ZNF626: variants seen among roughly 807,000 people sequenced by gnomAD.
ZNF626 encodes the protein zinc finger protein 626.
A neutral mutation model predicts 11.7 loss-of-function variants in ZNF626; 4 were observed. The observed-to-expected ratio is 0.34, with a 90% CI of 0.17 to 0.78. The LOEUF is 0.78. Among genes scored for constraint, ZNF626 ranks in the 30% least tolerant of loss-of-function variants. ZNF626 has a pLI of 0.57. For synonymous variants in ZNF626, 179 were observed against 198.6 expected (o/e 0.90, Z 0.83); for missense variants, 588 against 587.1 (o/e 1.00, Z -0.01).
chr19:20,633,499 C>G (rs1555770603), intron 3 of ZNF626, among the ~76,000 whole-genome samples: 2 of 152,248 alleles, frequency 1.3e-5, no homozygotes, highest in East Asian at 3.9e-4. Flanking sequence ...GGTGGGCGCC[C>G]CTCGCCCAGC....
intron 3 of ZNF626, among the ~76,000 whole-genome samples, chr19:20,627,110 T>C (rs1555769857): frequency 6.7e-6 from 1 of 149,138 alleles, no homozygotes; most frequent in East Asian, 1.9e-4. Context: ...ATAAGAAATA[T>C]TGAAATAGCA....
intron 3 of ZNF626, among the ~76,000 whole-genome samples, chr19:20,635,589 G>C (rs1295945948): frequency 6.6e-6 from 1 of 152,004 alleles, no homozygotes; most frequent in Non-Finnish European, 1.5e-5. Context: ...TGAAAGTGAC[G>C]GGATTACAGG....
intron 3 of ZNF626, among the ~76,000 whole-genome samples, chr19:20,629,704 T>C (rs1212157795): frequency 6.6e-6 from 1 of 152,184 alleles, no homozygotes; most frequent in Non-Finnish European, 1.5e-5. Flanking sequence ...TTTCTAGATA[T>C]ACAATCATGT....
At chr19:20,658,985 G>A (rs1970234919) in intron 1 of ZNF626, among the ~76,000 whole-genome samples, 1 of 152,158 alleles carries the variant, frequency 6.6e-6, no homozygotes, top group Non-Finnish European at 1.5e-5. Context: ...CCCAGGAAAA[G>A]CCAAATGGAA....
chr19:20,653,188 T>C (rs1223932022), intron 1 of ZNF626, among the ~76,000 whole-genome samples: 1 of 152,174 alleles, frequency 6.6e-6, no homozygotes, highest in African/African-American at 2.4e-5. Flanking sequence ...TTGGCCCTTA[T>C]GTGTTTATAT....
intron 1 of ZNF626, among the ~76,000 whole-genome samples, chr19:20,651,293 C>T (rs1222363954): frequency 6.6e-6 from 1 of 150,958 alleles, no homozygotes; most frequent in Non-Finnish European, 1.5e-5. Flanking sequence ...AAATAATGTC[C>T]AATATTTTGG....
Position 20,661,205 on chromosome 19 carries a change from A to T in ZNF626, c.3+239T>A, listed in dbSNP as rs535129938. ...CCACGCTGCGGGTGCAGAGCTGCCCAGAGAGGGCTCCAGGCCAGGGTAGTC... is the reference window on the plus strand; with the variant it reads ...CCACGCTGCGGGTGCAGAGCTGCCCTGAGAGGGCTCCAGGCCAGGGTAGTC... On this transcript the variant is annotated intron_variant, in intron 1 of 3. Coordinates refer to ENST00000601440, the MANE Select transcript of ZNF626 (RefSeq NM_001076675.3). Among the ~76,000 whole-genome samples the T allele has an allele frequency of 2.4e-3, 339 of 143,376 alleles. 1 individual carries two copies. Among genetic ancestry groups the T allele is most frequent in the Middle Eastern group, 0.01 (3 of 288 alleles). 94.1% of individuals were successfully genotyped at this position (143,376 alleles called of 152,430 possible).
rs1029449718 is a variant in ZNF626 at position 20,621,651 on chromosome 19, A to G, written c.*2639T>C. On this transcript the variant is annotated 3_prime_UTR_variant, in exon 4 of 4. Transcript: ENST00000601440. Reference sequence around the variant, plus strand: ...TCTATAAGACATATATACACATACTATATACTCACAGATAGTAATAATAAA... The same window carrying G: ...TCTATAAGACATATATACACATACTGTATACTCACAGATAGTAATAATAAA... 1 of 152,222 alleles carries G rather than the reference A, an allele frequency of 6.6e-6. No homozygotes were observed. The highest frequency in any genetic ancestry group is 2.4e-5 in the African/African-American group (1 of 41,464). The allele number at this position is 152,222 out of a possible 1,614,324, so 9.4% of individuals were successfully genotyped here.
chr19:20,658,766 C>G (rs1360502235), intron 1 of ZNF626, among the ~76,000 whole-genome samples: 1 of 152,148 alleles, frequency 6.6e-6, no homozygotes, highest in Non-Finnish European at 1.5e-5. Flanking sequence ...AGAGACAGCA[C>G]AGACCCTGAT....
At chr19:20,661,320 AAGG>A (rs1970265201) in intron 1 of ZNF626, 121 bp downstream of exon 1, 16 of 1,319,232 alleles carry the variant, frequency 1.2e-5, no homozygotes, top group Non-Finnish European at 1.6e-5. Context: ...CGAGCTGAGC[AAGG>A]AGAACTGGGG....
In ZNF626 at chr19:20,624,902, G is replaced by C. The variant is rs1287533700; in HGVS notation, c.975C>G (p.Ser325=). 44 of 1,613,338 alleles carry C rather than the reference G, an allele frequency of 2.7e-5. No homozygotes were observed. The highest frequency in any genetic ancestry group is 3.6e-5 in the Non-Finnish European group (42 of 1,179,920). Reference sequence around the variant, plus strand: ...TTCTTTTATGTGTAGTAAGGGTATAGGAGTACTTAAAGGCTTTGTCACATT... The same window carrying C: ...TTCTTTTATGTGTAGTAAGGGTATACGAGTACTTAAAGGCTTTGTCACATT... ...CEECDKAFKY[S]YTLTTHKRIH... Residue 325 remains serine (S), a synonymous_variant, in exon 4 of 4, where the codon TCC becomes TCG. Transcript: ENST00000601440.
At chr19:20,626,238 A>G (rs1555769680) in intron 3 of ZNF626, among the ~76,000 whole-genome samples, 1 of 152,114 alleles carries the variant, frequency 6.6e-6, no homozygotes, top group African/African-American at 2.4e-5. Context: ...TAGTTAAGAC[A>G]ATTGATTTCA....
At chr19:20,649,092 T>C (rs1186292577) in intron 1 of ZNF626, among the ~76,000 whole-genome samples, 2 of 150,732 alleles carry the variant, frequency 1.3e-5, no homozygotes, top group South Asian at 2.1e-4. Flanking sequence ...ATCTGACACA[T>C]GTTTACCTGA....
intron 3 of ZNF626, among the ~76,000 whole-genome samples, chr19:20,627,896 A>G (rs1233481237): frequency 6.6e-6 from 1 of 152,160 alleles, no homozygotes; most frequent in Non-Finnish European, 1.5e-5. Flanking sequence ...GTCATTTAGC[A>G]TTAGGTGTAT....
chr19:20,635,418 G>A (rs1457228540), intron 3 of ZNF626, among the ~76,000 whole-genome samples: 2 of 152,126 alleles, frequency 1.3e-5, no homozygotes, highest in Non-Finnish European at 2.9e-5. Context: ...CGCCTCCTGG[G>A]TTTAAGTGAT....
chr19:20,645,854 G>C, intron 2 of ZNF626, 75 bp from the exon 3 acceptor site: 3 of 1,058,922 alleles, frequency 2.8e-6, no homozygotes, highest in Non-Finnish European at 4.0e-6. Flanking sequence ...GCTCAGCACA[G>C]AGGATGTGAT....
chr19:20,649,073 T>C (rs11085371), intron 1 of ZNF626, among the ~76,000 whole-genome samples: 33,159 of 152,068 alleles, frequency 0.22, 4,009 homozygotes, highest in East Asian at 0.46. Context: ...AGAGTCGACA[T>C]AGCTCTTCAT....
At position 20,624,295 on chromosome 19, in the gene ZNF626, T is replaced by G; in HGVS notation, c.1582A>C (p.Arg528=). ...SSGPHTLLHI[R] is the part of the protein sequence containing the mutation. ...GAATTTCTCTCCAGTATGAATTATC[T>G]TATGTGTAGTAAGGTGTGAGGACCG... Residue 528 remains arginine, a synonymous_variant, in exon 4 of 4, where the codon AGA becomes CGA. Coordinates refer to ENST00000601440, the MANE Select transcript of ZNF626 (RefSeq NM_001076675.3). 1 of 1,613,920 alleles carries G rather than the reference T, an allele frequency of 6.2e-7. No homozygotes were observed. The highest frequency in any genetic ancestry group is 8.5e-7 in the Non-Finnish European group (1 of 1,179,974).
intron 3 of ZNF626, among the ~76,000 whole-genome samples, chr19:20,643,649 C>T (rs1337361632): frequency 6.6e-6 from 1 of 152,030 alleles, no homozygotes; most frequent in African/African-American, 2.4e-5. Flanking sequence ...ATTTTCATAT[C>T]CCCTTATAGC....
Sources: allele counts gnomAD v4.1 joint callset (sites outside exome capture counted in the v4.1 genomes callset), GRCh38; gene constraint gnomAD v4.1.1; transcripts MANE v1.5; gene names NCBI Gene and HGNC (gene_info 2026-07-23, HGNC 2026-07-21).